PIP5KL1: variants seen among roughly 807,000 people sequenced by gnomAD.
PIP5KL1 encodes phosphatidylinositol 4-phosphate 5-kinase-like protein 1.
PIP5KL1 carries 45 observed loss-of-function variants against 47.6 expected under a neutral mutation model. That is an observed-to-expected ratio of 0.94 (90% CI 0.74 to 1.21). The LOEUF (loss-of-function observed/expected upper bound fraction) is 1.21. Ranked by LOEUF, PIP5KL1 falls within the 50% of genes most tolerant of loss-of-function variation. PIP5KL1 has a pLI of 0.00. For missense variants in PIP5KL1, 577 were observed against 547.6 expected (o/e 1.05, Z -0.54); for synonymous variants, 256 against 234.6 (o/e 1.09, Z -0.84).
Position 127,928,123 on chromosome 9 carries a change from CG to C in PIP5KL1, c.375del (p.Gly126AlafsTer27). 3 of 1,560,602 alleles carry C rather than the reference CG, an allele frequency of 1.9e-6. No homozygotes were observed. The highest frequency in any genetic ancestry group is 2.0e-5 in the Admixed American group (1 of 50,580). On this transcript the variant is annotated frameshift_variant, in exon 4 of 10. Coordinates refer to ENST00000388747, the MANE Select transcript of PIP5KL1 (RefSeq NM_001135219.2). LOFTEE classifies it high-confidence loss of function. The part of the protein sequence containing the change: ...AEEDYQAALG[P>X]GGPYLQFLST... ...CTGAGGAACTGCAGGTAGGGGCCGC[CG>C]GGGCCCAGGGCAGCCTGATAGTCCT... is the stretch of plus-strand genomic sequence containing the variant.
intron 1 of PIP5KL1, among the ~76,000 whole-genome samples, chr9:127,930,092 A>G (rs1831416286): frequency 6.6e-6 from 1 of 152,160 alleles, no homozygotes; most frequent in Non-Finnish European, 1.5e-5. Flanking sequence ...AGCAATGGTT[A>G]TGATTATCAG....
chr9:127,921,749 A>G lies in PIP5KL1; in HGVS notation c.*98T>C. On this transcript the variant is annotated 3_prime_UTR_variant, in exon 10 of 10. Coordinates refer to ENST00000388747, the MANE Select transcript of PIP5KL1 (RefSeq NM_001135219.2). ...TAGGGGATGCTGCCCTCTGGCGACC[A>G]TCAGGAGGAAGCGCAGGCGAGATGC... The G allele has an allele frequency of 7.0e-7, 1 of 1,434,152 alleles. No individual in the cohort carries two copies. Among genetic ancestry groups the G allele is most frequent in the East Asian group, 2.5e-5 (1 of 40,106 alleles). The allele number at this position is 1,434,152 out of a possible 1,614,324, so 88.8% of individuals were successfully genotyped here. A position where few individuals can be genotyped will look rare whatever the true frequency, so the allele number is the denominator to read the frequency against.
At chr9:127,930,692 C>A in intron 1 of PIP5KL1, 31 bp downstream of exon 1, 1 of 1,547,710 alleles carries the variant, frequency 6.5e-7, no homozygotes, top group South Asian at 1.2e-5. Context: ...CAACCCTTCC[C>A]TCTCCTGTCC....
chr9:127,922,771 T>C (rs974885640), intron 9 of PIP5KL1, among the ~76,000 whole-genome samples: 1 of 150,550 alleles, frequency 6.6e-6, no homozygotes, highest in Non-Finnish European at 1.5e-5. Context: ...ATGTAAAATA[T>C]CTTACTCATT....
chr9:127,922,020 G>A lies in PIP5KL1; in HGVS notation c.1012C>T (p.Pro338Ser), dbSNP rs1372356962. 8 of 1,574,798 alleles carry A rather than the reference G, an allele frequency of 5.1e-6. No homozygotes were observed. Among genetic ancestry groups the A allele is most frequent in the Non-Finnish European group, 6.9e-6 (8 of 1,161,482 alleles). The change falls in exon 10 of 10, where the codon CCC (proline) becomes TCC (serine). Residue 338 changes from proline (P) to serine (S), a missense_variant. Physicochemically the swap from Pro to Ser is moderately conservative, Grantham distance 74. Coordinates refer to ENST00000388747, the MANE Select transcript of PIP5KL1 (RefSeq NM_001135219.2). ...APNALHILDG[P>S]EQRYFLGVVD... is the part of the protein sequence containing the mutation. The stretch of plus-strand genomic sequence containing the variant: ...ACGCCCAGGAAATAGCGCTGCTCGG[G>A]CCCGTCCAGGATGTGTAGGGCGTTG...
At chr9:127,922,154 G>A (rs1210987269) in intron 9 of PIP5KL1, 40 bp from the exon 10 acceptor site, 33 of 1,453,488 alleles carry the variant, frequency 2.3e-5, no homozygotes, top group Middle Eastern at 3.7e-4. Context: ...AGCTCCTCCA[G>A]GAAGCCCCAG....
Position 127,927,823 on chromosome 9 carries a change from C to T in PIP5KL1, c.435-51G>A. The T allele has an allele frequency of 6.5e-7, 1 of 1,527,294 alleles. No homozygotes were observed. Among genetic ancestry groups the T allele is most frequent in the Middle Eastern group, 1.8e-4 (1 of 5,614 alleles). 94.6% of individuals were successfully genotyped at this position (1,527,294 alleles called of 1,614,324 possible). The stretch of plus-strand genomic sequence containing the variant: ...TGCCCAGGCCTGGCTGGAGCGGCTC[C>T]CACCCGGCCCCCTTCCCCGACCTGT... On this transcript the variant is annotated intron_variant, in intron 4 of 9. Transcript: ENST00000388747. The surrounding 1 kb of genome is among the most constrained non-coding windows in gnomAD (Gnocchi z 5.5).
chr9:127,929,533 G>A lies in PIP5KL1; in HGVS notation c.228+155C>T, dbSNP rs555204746. Among the ~76,000 whole-genome samples, 1 of 151,958 alleles carries A rather than the reference G, an allele frequency of 6.6e-6. No homozygotes were observed. The highest frequency in any genetic ancestry group is 2.4e-5 in the African/African-American group (1 of 41,448). ...CTCACACCCCCAACGCACCCCAGACGTTCCAGCTCCCACACCACAATGTTC... is the reference window on the plus strand; with the variant it reads ...CTCACACCCCCAACGCACCCCAGACATTCCAGCTCCCACACCACAATGTTC... On this transcript the variant is annotated intron_variant, in intron 2 of 9. Transcript: ENST00000388747. The surrounding 1 kb of genome is among the most constrained non-coding windows in gnomAD (Gnocchi z 4.0).
chr9:127,928,343 C>A lies in PIP5KL1; in HGVS notation c.279+90G>T, dbSNP rs1831393745. ...GCAAGGCTCAAGTCTCAGGGACAAG[C>A]CTTCACTCCCACTGCACAGATGGGA... On this transcript the variant is annotated intron_variant, in intron 3 of 9. Transcript: ENST00000388747. 4 of 1,540,584 alleles carry A rather than the reference C, an allele frequency of 2.6e-6. No homozygotes were observed. The South Asian group carries it at 4.8e-5, about 18-fold the overall frequency.
In PIP5KL1 at chr9:127,925,256, G is replaced by C; in HGVS notation, c.768C>G (p.Pro256=). 6.2e-7 allele frequency: 1 copy of C among 1,612,024 alleles called. No homozygotes were observed. The highest frequency in any genetic ancestry group is 8.5e-7 in the Non-Finnish European group (1 of 1,179,974). Residue 256 remains proline (P), a synonymous_variant, in exon 9 of 10, where the codon CCC becomes CCG. Coordinates refer to ENST00000388747, the MANE Select transcript of PIP5KL1 (RefSeq NM_001135219.2). ...TCTGGCGGAGGAACCAGCTCCGCTGGGGCCCTGCCGGAGCATCAGTGCCCC... is the reference window on the plus strand; with the variant it reads ...TCTGGCGGAGGAACCAGCTCCGCTGCGGCCCTGCCGGAGCATCAGTGCCCC... ...NFQGKTINLG[P]QRSWFLRQME...
intron 1 of PIP5KL1, among the ~76,000 whole-genome samples, chr9:127,930,484 AG>A (rs1831420096): frequency 6.6e-6 from 1 of 152,214 alleles, no homozygotes; most frequent in South Asian, 2.1e-4. Context: ...TCCCTGAAGG[AG>A]GAGCTTTAGC....
In PIP5KL1 at chr9:127,928,479, G is replaced by A. The variant is rs770094165; in HGVS notation, c.233C>T (p.Pro78Leu). ...CTCCGAGAAATCGTCCCGGGAGGGC[G>A]GCCCCTGCAGGGAGAGGTAGAGGAG... ...QVSMDHPPTG[P>L]PSRDDFSEVL... is the part of the protein sequence containing the mutation. The change falls in exon 3 of 10, where the codon CCG becomes CTG. Residue 78 changes from proline to leucine, a missense_variant. By Grantham distance (98) the Pro-to-Leu change is moderately conservative. Coordinates refer to ENST00000388747, the MANE Select transcript of PIP5KL1 (RefSeq NM_001135219.2). The A allele has an allele frequency of 6.3e-6, 10 of 1,592,336 alleles. No individual in the cohort carries two copies. The African/African-American group carries it at 8.1e-5, about 13-fold the overall frequency.
rs1831356484 is a variant in PIP5KL1, at chr9:127,925,992, A to G, written c.651-13T>C. 2 of 1,591,046 alleles carry G rather than the reference A, an allele frequency of 1.3e-6. No homozygotes were observed. Among genetic ancestry groups the G allele is most frequent in the African/African-American group, 2.7e-5 (2 of 74,328 alleles). Reference sequence around the variant, plus strand: ...TTTGATGTCATACCTGGGTGGGGGGACAGAATTCAGCTTTACATAGATTTG... The same window carrying G: ...TTTGATGTCATACCTGGGTGGGGGGGCAGAATTCAGCTTTACATAGATTTG... On this transcript the variant is annotated splice_polypyrimidine_tract_variant and intron_variant, in intron 7 of 9. Coordinates refer to ENST00000388747, the MANE Select transcript of PIP5KL1 (RefSeq NM_001135219.2).
intron 8 of PIP5KL1, 40 bp from the exon 9 acceptor site, chr9:127,925,300 G>A (rs767342655): frequency 1.2e-6 from 2 of 1,601,980 alleles, no homozygotes; most frequent in Non-Finnish European, 8.5e-7. Context: ...CGCTCATCAT[G>A]TGCCAGCCAC....
Position 127,921,810 on chromosome 9 carries a change from C to T in PIP5KL1, c.*37G>A, listed in dbSNP as rs1247872069. The T allele has an allele frequency of 1.9e-6, 3 of 1,544,856 alleles. No homozygotes were observed. Among genetic ancestry groups the T allele is most frequent in the African/African-American group, 2.7e-5 (2 of 73,496 alleles). On this transcript the variant is annotated 3_prime_UTR_variant, in exon 10 of 10. Transcript: ENST00000388747. ...GGGAACCGGCGTTCCTGGCGTGAGC[C>T]CATCGTCCAGATCCGGAGAGTGGGG...
chr9:127,929,943 G>C lies in PIP5KL1; in HGVS notation c.31-58C>G, dbSNP rs568744075. The C allele has an allele frequency of 5.2e-5, 72 of 1,392,826 alleles. No individual in the cohort carries two copies. In the African/African-American group the frequency reaches 9.5e-4, roughly 18 times the overall value. The allele number at this position is 1,392,826 out of a possible 1,614,324, so 86.3% of individuals were successfully genotyped here. The stretch of plus-strand genomic sequence containing the variant: ...GCAGCGTCACAGAGGAAAAAGATCA[G>C]GGTTCAAGTCCCACTTCCACTACTT... On this transcript the variant is annotated intron_variant, in intron 1 of 9. Coordinates refer to ENST00000388747, the MANE Select transcript of PIP5KL1 (RefSeq NM_001135219.2). The surrounding 1 kb of genome is among the most constrained non-coding windows in gnomAD (Gnocchi z 4.0).
In PIP5KL1 at chr9:127,929,051, G is replaced by A. The variant is rs1831402982; in HGVS notation, c.229-568C>T. On this transcript the variant is annotated intron_variant, in intron 2 of 9. Transcript: ENST00000388747. The surrounding 1 kb of genome is among the most constrained non-coding windows in gnomAD (Gnocchi z 4.0). Reference sequence around the variant, plus strand: ...ACAAGGCTGGATGCAGCTGGATCTGGAGGTCATGCTGAGTATTGGGGAGCC... The same window carrying A: ...ACAAGGCTGGATGCAGCTGGATCTGAAGGTCATGCTGAGTATTGGGGAGCC... Among the ~76,000 whole-genome samples, 1 of 152,230 alleles carries A rather than the reference G, an allele frequency of 6.6e-6. No homozygotes were observed. Among genetic ancestry groups the A allele is most frequent in the Non-Finnish European group, 1.5e-5 (1 of 68,042 alleles).
At chr9:127,928,254 G>T (rs1209625794) in intron 3 of PIP5KL1, 35 bp from the exon 4 acceptor site, 1 of 1,527,900 alleles carries the variant, frequency 6.5e-7, no homozygotes, top group South Asian at 1.2e-5. Flanking sequence ...TGGAGTGTCT[G>T]CGTGGGCCCG....
rs755020185 is a variant in PIP5KL1, at chr9:127,928,189, C to T, written c.310G>A (p.Ala104Thr). The change falls in exon 4 of 10, where the codon GCC (alanine) becomes ACC (threonine). Residue 104 changes from alanine (A) to threonine (T), a missense_variant. Physicochemically the swap from Ala to Thr is moderately conservative, Grantham distance 58 (BLOSUM62 0). Transcript: ENST00000388747. The part of the protein sequence containing the change: ...GFELGTLAGP[A>T]FAWLRRSLGL... ...AGGGAGCGGCGCAGCCAGGCAAAGG[C>T]GGGGCCGGCCAGCGTGCCCAGCTCG... The T allele has an allele frequency of 1.3e-6, 2 of 1,538,296 alleles. No individual in the cohort carries two copies. Among genetic ancestry groups the T allele is most frequent in the African/African-American group, 2.8e-5 (2 of 72,428 alleles).
Sources: gnomAD v4.1 joint callset for allele counts (sites outside exome capture counted in the v4.1 genomes callset) on GRCh38, gnomAD v4.1.1 for gene constraint, Gnocchi (gnomAD v3.1) non-coding constraint, MANE v1.5 for transcripts, NCBI Gene and HGNC (gene_info 2026-07-23, HGNC 2026-07-21) for gene names.